The following TMEM132B variants were observed in gnomAD, a reference collection of about 807,000 sequenced individuals.
The protein encoded by TMEM132B is transmembrane protein 132B.
Under a neutral mutation model 90.8 loss-of-function variants are expected in TMEM132B, and 18 were observed. The observed-to-expected ratio is 0.20, with a 90% CI of 0.14 to 0.29. The LOEUF is 0.29. TMEM132B is among the 10% of genes least tolerant of loss of function. The pLI is 1.00. For synonymous variants in TMEM132B, 504 were observed against 523.3 expected (o/e 0.96, Z 0.50); for missense variants, 1,096 against 1,326.8 (o/e 0.83, Z 2.70).
At chr12:125,226,385 A>G (rs998158362) in intron 1 of TMEM132B, among the ~76,000 whole-genome samples, 1 of 152,204 alleles carries the variant, frequency 6.6e-6, no homozygotes, top group African/African-American at 2.4e-5. Flanking sequence ...CCTACTTGCT[A>G]CCATCTCTTG....
chr12:125,236,045 C>T (rs935755428), intron 1 of TMEM132B, among the ~76,000 whole-genome samples: 4 of 152,074 alleles, frequency 2.6e-5, no homozygotes, highest in East Asian at 1.9e-4. Context: ...TCAAGTGATC[C>T]GCCCACCTTA....
At chr12:125,560,831 C>CAGAAAAAA (rs1884506083) in intron 4 of TMEM132B, among the ~76,000 whole-genome samples, 1 of 29,252 alleles carries the variant, frequency 3.4e-5, no homozygotes, top group African/African-American at 1.9e-4. Context: ...GACTCTGTCT[C>CAGAAAAAA]AAAAAAAAAA....
At chr12:125,600,316 T>C (rs547759981) in intron 5 of TMEM132B, among the ~76,000 whole-genome samples, 1 of 152,260 alleles carries the variant, frequency 6.6e-6, no homozygotes, top group East Asian at 1.9e-4. Flanking sequence ...AGTCCACTCT[T>C]TCCTTCACCT....
At chr12:125,218,705 T>C (rs1418721654) in intron 1 of TMEM132B, among the ~76,000 whole-genome samples, 1 of 150,922 alleles carries the variant, frequency 6.6e-6, no homozygotes, top group Non-Finnish European at 1.5e-5. Context: ...AATTCTCTAA[T>C]CTGCAAGATA....
chr12:125,427,604 T>A (rs1220374683), intron 3 of TMEM132B, among the ~76,000 whole-genome samples: 4 of 152,066 alleles, frequency 2.6e-5, no homozygotes, highest in African/African-American at 9.7e-5. Context: ...AGCACTTTGG[T>A]AGAATTTTGA....
At position 125,586,514 on chromosome 12, in the gene TMEM132B, GA is replaced by G. The variant is rs1203343046; in HGVS notation, c.1437+2524del. 2.0e-5 allele frequency: 3 copies of G among 152,196 alleles called. No homozygotes were observed. The East Asian group carries it at 5.8e-4, about 29-fold the overall frequency. The allele number at this position is 152,196 out of a possible 1,614,324, so 9.4% of individuals were successfully genotyped here. On this transcript the variant is annotated intron_variant, in intron 5 of 8. Coordinates refer to ENST00000682704, the MANE Select transcript of TMEM132B (RefSeq NM_001366854.1). ...CAATCACAGTCCAAAAACGTTAAAT[GA>G]AAATTTTCAGAAAGAAGCAATTCAT... is the stretch of plus-strand genomic sequence containing the variant.
rs896210839 is a variant in TMEM132B at position 125,213,267 on chromosome 12, G to T, written c.67+26401G>T. ...TGTCAGTGCTATGCTCCTTTTTATG[G>T]TTGAATCATCTTCCATTGTCTATCG... On this transcript the variant is annotated intron_variant, in intron 1 of 8. Coordinates refer to ENST00000682704, the MANE Select transcript of TMEM132B (RefSeq NM_001366854.1). This position sits in a 1 kb window ranked among gnomAD's most constrained non-coding sequence, Gnocchi z 4.2. 6.6e-6 allele frequency among the ~76,000 whole-genome samples: 1 copy of T among 152,132 alleles called. No individual in the cohort carries two copies. The highest frequency in any genetic ancestry group is 1.5e-5 in the Non-Finnish European group (1 of 68,032).
intron 4 of TMEM132B, among the ~76,000 whole-genome samples, chr12:125,537,673 G>A (rs574880125): frequency 2.6e-5 from 4 of 152,314 alleles, no homozygotes; most frequent in South Asian, 2.1e-4. Context: ...GGATGGGGAC[G>A]TCAGGTCCTG....
chr12:125,429,505 C>T (rs1312942738), intron 3 of TMEM132B, among the ~76,000 whole-genome samples: 1 of 152,066 alleles, frequency 6.6e-6, no homozygotes, highest in East Asian at 1.9e-4. Flanking sequence ...CGTGCCCGGC[C>T]CTAATGTCCT....
At chr12:125,220,693 C>T (rs770300473) in intron 1 of TMEM132B, among the ~76,000 whole-genome samples, 14 of 152,166 alleles carry the variant, frequency 9.2e-5, no homozygotes, top group Non-Finnish European at 1.8e-4. Context: ...CCTGGGGCTG[C>T]GGCAGCCTCT....
rs374206328 is a variant in TMEM132B, at chr12:125,640,074, G to A, written c.1438-4002G>A. Among the ~76,000 whole-genome samples the A allele has an allele frequency of 7.2e-5, 11 of 152,270 alleles. No individual in the cohort carries two copies. In the East Asian group the frequency reaches 1.9e-3, roughly 27 times the overall value. ...CGAGATCCCTGCAGCAGTTCCTGTC[G>A]TCAGTTCCCACAGGACAACATGCAG... is the stretch of plus-strand genomic sequence containing the variant. On this transcript the variant is annotated intron_variant, in intron 5 of 8. Transcript: ENST00000682704.
intron 3 of TMEM132B, among the ~76,000 whole-genome samples, chr12:125,475,893 A>C (rs1368237210): frequency 6.6e-6 from 1 of 152,250 alleles, no homozygotes; most frequent in Non-Finnish European, 1.5e-5. Flanking sequence ...CATTTGAGAC[A>C]TCAGTTAAAC....
intron 1 of TMEM132B, among the ~76,000 whole-genome samples, chr12:125,233,960 G>A (rs1873877933): frequency 6.6e-6 from 1 of 152,076 alleles, no homozygotes; most frequent in Admixed American, 6.5e-5. Flanking sequence ...ATTTTATAGG[G>A]GATAGGAATT....
chr12:125,238,912 C>G (rs1444486352), intron 1 of TMEM132B, among the ~76,000 whole-genome samples: 4 of 152,128 alleles, frequency 2.6e-5, no homozygotes, highest in African/African-American at 7.2e-5. Context: ...GAACCCCACA[C>G]CAACCCAGTC....
rs531901463 is a variant in TMEM132B at position 125,659,290 on chromosome 12, C to T, written c.*4580C>T. 2 of 152,340 alleles carry T rather than the reference C, an allele frequency of 1.3e-5. No individual in the cohort carries two copies. The highest frequency in any genetic ancestry group is 4.8e-5 in the African/African-American group (2 of 41,576). The allele number at this position is 152,340 out of a possible 1,614,324, so 9.4% of individuals were successfully genotyped here. ...TGTCTCAGAAAAAGATCTCCTGTTT[C>T]TCATGGCCCCGTCCAGGGTCAAACC... is the stretch of plus-strand genomic sequence containing the variant. On this transcript the variant is annotated 3_prime_UTR_variant, in exon 9 of 9. Transcript: ENST00000682704.
intron 3 of TMEM132B, among the ~76,000 whole-genome samples, chr12:125,517,960 T>G (rs1479961200): frequency 6.6e-6 from 1 of 152,226 alleles, no homozygotes; most frequent in Non-Finnish European, 1.5e-5. Context: ...TATTTTTAAA[T>G]TATTTTAATT....
chr12:125,298,622 C>T (rs1294864202), intron 1 of TMEM132B, among the ~76,000 whole-genome samples: 1 of 133,870 alleles, frequency 7.5e-6, no homozygotes, highest in South Asian at 2.5e-4. Context: ...TGCAGTGAGC[C>T]GAGATCGCGT....
intron 5 of TMEM132B, among the ~76,000 whole-genome samples, chr12:125,615,438 T>C (rs1885963434): frequency 6.6e-6 from 1 of 152,112 alleles, no homozygotes; most frequent in Non-Finnish European, 1.5e-5. Flanking sequence ...GATTGCATAA[T>C]CTATATCAGT....
chr12:125,357,042 A>G (rs1877797443), intron 2 of TMEM132B, among the ~76,000 whole-genome samples: 1 of 152,244 alleles, frequency 6.6e-6, no homozygotes, highest in Non-Finnish European at 1.5e-5. Context: ...AGGATCTAGA[A>G]CATTGTCTAC....
Sources: gnomAD v4.1 joint callset for allele counts (sites outside exome capture counted in the v4.1 genomes callset) on GRCh38, gnomAD v4.1.1 for gene constraint, Gnocchi (gnomAD v3.1) non-coding constraint, MANE v1.5 for transcripts, NCBI Gene and HGNC (gene_info 2026-07-23, HGNC 2026-07-21) for gene names.